Variants in LCT observed in about 807,000 individuals in gnomAD.
LCT encodes lactase/phlorizin hydrolase.
LCT carries 90 observed loss-of-function variants against 173.0 expected under a neutral mutation model. The ratio of observed to expected loss-of-function variants is 0.52; its 90% CI spans 0.44 to 0.62. LCT has a LOEUF of 0.62. LCT is among the 20% of genes least tolerant of loss of function. The probability of loss-of-function intolerance (pLI) is 0.00; values close to 1 mark genes in which losing one functional copy is unlikely to be tolerated. For synonymous variants in LCT, 853 were observed against 957.6 expected, an observed-to-expected ratio of 0.89 and a Z score of 2.02; for missense variants, 1,864 against 2,431.4, an observed-to-expected ratio of 0.77 and a Z score of 4.91.
In LCT at chr2:135,809,892, G is replaced by A; in HGVS notation, c.2455C>T (p.His819Tyr). 6.2e-7 allele frequency: 1 copy of A among 1,614,150 alleles called. No individual in the cohort carries two copies. Among genetic ancestry groups the A allele is most frequent in the Non-Finnish European group, 8.5e-7 (1 of 1,180,004 alleles). Residue 819 changes from histidine (H) to tyrosine (Y), a missense_variant, in exon 8 of 17, where the codon CAC becomes TAC. His to Tyr is a moderately conservative substitution (Grantham distance 83). This residue lies in a region of LCT where 755 missense variants were observed against 926.3 expected (regional missense o/e 0.82). Transcript: ENST00000264162. The surrounding 1 kb of genome is among the most constrained non-coding windows in gnomAD (Gnocchi z 5.5). ...TTGCTGCTGTCGCTGAAGTTGACGT[G>A]GTGCAGGCCAAACCGCTGGCTGTAA... ...SGYSQRFGLH[H>Y]VNFSDSSKSR...
In LCT at chr2:135,789,627, C is replaced by T. The variant is rs1392489897; in HGVS notation, c.5507G>A (p.Arg1836Gln). ...ASAKFYASVV[R>Q]CNGFPDPATG... is the part of the protein sequence containing the mutation. ...AGCGGGGTCAGGGAAGCCATTGCATCGGACCACAGAGGCGTAGAACTTCGC... is the reference window on the plus strand; with the variant it reads ...AGCGGGGTCAGGGAAGCCATTGCATTGGACCACAGAGGCGTAGAACTTCGC... The change falls in exon 16 of 17, where the codon CGA becomes CAA. Residue 1836 changes from arginine (R) to glutamine (Q), a missense_variant. Coordinates refer to ENST00000264162, the MANE Select transcript of LCT (RefSeq NM_002299.4). 5 of 1,614,142 alleles carry T rather than the reference C, an allele frequency of 3.1e-6. No homozygotes were observed. The highest frequency in any genetic ancestry group is 2.2e-5 in the East Asian group (1 of 44,878).
chr2:135,833,301 C>G, intron 1 of LCT, 111 bp from the exon 2 acceptor site: 2 of 813,772 alleles, frequency 2.5e-6, no homozygotes, highest in Non-Finnish European at 4.4e-6. Context: ...ATCCAAATGA[C>G]TTTACTCTAG....
chr2:135,826,086 C>T (rs1293929024), intron 3 of LCT, among the ~76,000 whole-genome samples: 1 of 152,216 alleles, frequency 6.6e-6, no homozygotes, highest in East Asian at 1.9e-4. Flanking sequence ...ATTTCCGAAT[C>T]TTTGAGGCTG....
At chr2:135,823,790 T>G in intron 4 of LCT, 111 bp downstream of exon 4, 1 of 766,328 alleles carries the variant, frequency 1.3e-6, no homozygotes, top group Non-Finnish European at 2.3e-6. Flanking sequence ...TTTATACTAG[T>G]CTTCCTCCCA....
chr2:135,800,887 T>C, intron 11 of LCT, 78 bp from the exon 12 acceptor site: 1 of 1,133,334 alleles, frequency 8.8e-7, no homozygotes, highest in Non-Finnish European at 1.3e-6. Context: ...TGCCTGCAGA[T>C]GTCCCCTCTG....
chr2:135,795,026 C>T (rs1285697108), intron 13 of LCT, among the ~76,000 whole-genome samples: 4 of 95,714 alleles, frequency 4.2e-5, no homozygotes, highest in Non-Finnish European at 8.3e-5. Context: ...CACACACACA[C>T]GCACCCACGC....
At chr2:135,832,683 C>T (rs181301807) in intron 2 of LCT, among the ~76,000 whole-genome samples, 127 of 151,962 alleles carry the variant, frequency 8.4e-4, no homozygotes, top group Admixed American at 4.3e-3. Flanking sequence ...AGGAGTTTTG[C>T]CATGTTGCCC....
Position 135,836,689 on chromosome 2 carries a change from A to G in LCT, c.481T>C (p.Ser161Pro). Residue 161 changes from serine to proline, a missense_variant, in exon 1 of 17, where the codon TCC (serine) becomes CCC (proline). Coordinates refer to ENST00000264162, the MANE Select transcript of LCT (RefSeq NM_002299.4). Reference protein sequence around the residue: ...FADYATFAFHSFGDLVGIWFT... With the variant: ...FADYATFAFHPFGDLVGIWFT... The stretch of plus-strand genomic sequence containing the variant: ...CAGATCCCAACTAGGTCCCCGAAGG[A>G]GTGGAAGGCGAATGTGGCATAGTCG... 6.2e-7 allele frequency: 1 copy of G among 1,614,134 alleles called. No homozygotes were observed. Among genetic ancestry groups the G allele is most frequent in the Non-Finnish European group, 8.5e-7 (1 of 1,180,022 alleles).
intron 3 of LCT, among the ~76,000 whole-genome samples, chr2:135,826,662 G>A (rs1182707945): frequency 6.6e-5 from 10 of 152,154 alleles, no homozygotes; most frequent in Non-Finnish European, 1.2e-4. Context: ...TCAGAGGCAC[G>A]CCACCTCCGC....
Position 135,836,857 on chromosome 2 carries a change from G to C in LCT, c.313C>G (p.Pro105Ala). The C allele has an allele frequency of 1.9e-6, 3 of 1,614,188 alleles. No homozygotes were observed. The highest frequency in any genetic ancestry group is 2.5e-6 in the Non-Finnish European group (3 of 1,180,034). The change falls in exon 1 of 17, where the codon CCA becomes GCA. Residue 105 changes from proline to alanine, a missense_variant. Around this residue, in one of 4 missense-constraint regions of LCT, gnomAD observed 412 missense variants for 462.0 expected, o/e 0.89. Transcript: ENST00000264162. Reference protein sequence around the residue: ...QLLPAGSTQNPDEKTVQCYRR... With the variant: ...QLLPAGSTQNADEKTVQCYRR... Reference sequence around the variant, plus strand: ...TAGCACTGCACTGTTTTCTCGTCTGGATTCTGGGTGCTTCCTGCTGGGAGG... The same window carrying C: ...TAGCACTGCACTGTTTTCTCGTCTGCATTCTGGGTGCTTCCTGCTGGGAGG...
At chr2:135,815,682 G>T (rs1575342480) in intron 6 of LCT, among the ~76,000 whole-genome samples, 1 of 150,710 alleles carries the variant, frequency 6.6e-6, no homozygotes, top group South Asian at 2.1e-4. Flanking sequence ...ACAGGAAATA[G>T]TATTATTATT....
At chr2:135,792,603 G>T (rs1471541214) in intron 14 of LCT, among the ~76,000 whole-genome samples, 1 of 152,116 alleles carries the variant, frequency 6.6e-6, no homozygotes. Flanking sequence ...AGCTAGGTGA[G>T]GCTTGTGACT....
Position 135,800,617 on chromosome 2 carries a change from C to T in LCT, c.4856G>A (p.Arg1619Lys). The T allele has an allele frequency of 6.2e-7, 1 of 1,612,110 alleles. No homozygotes were observed. Residue 1619 changes from arginine to lysine, a missense_variant, in exon 12 of 17, where the codon AGA becomes AAA. Physicochemically the swap from Arg to Lys is conservative, Grantham distance 26. This residue lies in a region of LCT where 514 missense variants were observed against 750.1 expected (regional missense o/e 0.69). Transcript: ENST00000264162. ...SNQEDVEAAR[R>K]YVQFMGGWFA... is the part of the protein sequence containing the mutation. The stretch of plus-strand genomic sequence containing the variant: ...AGAGGAAAAACAGACCTGAACATAT[C>T]TCCTGGCTGCCTCCACATCCTCCTG...
intron 2 of LCT, among the ~76,000 whole-genome samples, 196 bp downstream of exon 2, chr2:135,832,915 C>A (rs908041162): frequency 1.3e-5 from 2 of 152,116 alleles, no homozygotes; most frequent in East Asian, 3.9e-4. Flanking sequence ...TGCAGGGAAG[C>A]TGACACTTGA....
intron 13 of LCT, among the ~76,000 whole-genome samples, chr2:135,795,045 GCACACACA>G (rs1553651428): frequency 4.0e-5 from 6 of 149,932 alleles, no homozygotes; most frequent in African/African-American, 1.5e-4. Flanking sequence ...GCGCGCGCGC[GCACACACA>G]CACACACACA....
chr2:135,822,191 C>T, intron 4 of LCT, 93 bp from the exon 5 acceptor site: 1 of 810,978 alleles, frequency 1.2e-6, no homozygotes, highest in South Asian at 1.4e-5. Flanking sequence ...ATACGACACA[C>T]CCAAACTCCA....
Position 135,817,803 on chromosome 2 carries a change from C to A in LCT, c.1245G>T (p.Arg415Ser). The change falls in exon 6 of 17, where the codon AGG becomes AGT. Residue 415 changes from arginine to serine, a missense_variant. Transcript: ENST00000264162. ...CTTGGCCCTCAGTGGTGTTCAGGGG[C>A]CTGCGTGGATCCCAGATGCTCACCC... ...GRGVSIWDPR[R>S]PLNTTEGQAT... The A allele has an allele frequency of 6.2e-7, 1 of 1,614,050 alleles. No individual in the cohort carries two copies. Among genetic ancestry groups the A allele is most frequent in the Non-Finnish European group, 8.5e-7 (1 of 1,180,036 alleles).
At chr2:135,799,784 A>G (rs1160151821) in intron 12 of LCT, among the ~76,000 whole-genome samples, 2 of 152,112 alleles carry the variant, frequency 1.3e-5, no homozygotes, top group Admixed American at 6.6e-5. Context: ...CCTTGGGTGA[A>G]ATTCCATGAC....
chr2:135,823,852 C>T (rs756610549), intron 4 of LCT, 49 bp downstream of exon 4: 1 of 1,223,140 alleles, frequency 8.2e-7, no homozygotes, highest in Non-Finnish European at 1.2e-6. Context: ...ACCTAGCACA[C>T]CAGTGCACCA....
Sources: allele counts gnomAD v4.1 joint callset (sites outside exome capture counted in the v4.1 genomes callset), GRCh38; gene constraint gnomAD v4.1.1; regional missense constraint gnomAD v4.1.1; non-coding constraint Gnocchi (gnomAD v3.1); transcripts MANE v1.5; gene names NCBI Gene and HGNC (gene_info 2026-07-23, HGNC 2026-07-21).